The following KHDRBS2 variants were observed in gnomAD, a reference collection of about 807,000 sequenced individuals.
KHDRBS2 encodes the protein KH RNA binding domain containing, signal transduction associated 2.
Under a neutral mutation model 44.3 loss-of-function variants are expected in KHDRBS2, and 26 were observed. That is an observed-to-expected ratio of 0.59 (90% CI 0.43 to 0.81). The LOEUF (loss-of-function observed/expected upper bound fraction) is 0.81. Ranked by LOEUF, KHDRBS2 falls within the 40% of genes least tolerant of loss-of-function variation. KHDRBS2 has a pLI of 0.00. For missense variants in KHDRBS2, 476 were observed against 433.1 expected (o/e 1.10, Z -0.88); for synonymous variants, 194 against 151.1 (o/e 1.28, Z -2.08).
At chr6:61,717,546 A>G (rs539961282) in intron 7 of KHDRBS2, among the ~76,000 whole-genome samples, 23 of 152,186 alleles carry the variant, frequency 1.5e-4, no homozygotes, top group African/African-American at 5.5e-4. Context: ...CATAGACTAT[A>G]GCATTGAGAC....
chr6:61,770,728 A>T (rs917235395), intron 6 of KHDRBS2, among the ~76,000 whole-genome samples: 1 of 152,244 alleles, frequency 6.6e-6, no homozygotes, highest in Non-Finnish European at 1.5e-5. Flanking sequence ...CCTGAAAGTG[A>T]CAGGGAGAAT....
intron 1 of KHDRBS2, among the ~76,000 whole-genome samples, chr6:62,193,435 C>T (rs1023477183): frequency 1.9e-4 from 29 of 151,996 alleles, no homozygotes; most frequent in Admixed American, 7.9e-4. Flanking sequence ...TCATATAAAA[C>T]GATGAAACCA....
At chr6:61,556,872 ATTTTTTTTTTTTTTT>A in the KHDRBS2 span, among the ~76,000 whole-genome samples, 3 of 87,454 alleles carry the variant, frequency 3.4e-5, no homozygotes, top group Non-Finnish European at 2.2e-5. Flanking sequence ...TGAAATTGAG[ATTTTTTTTTTTTTTT>A]TTTTTTTTTT....
intron 1 of KHDRBS2, among the ~76,000 whole-genome samples, chr6:62,260,726 AAG>A (rs1838203222): frequency 6.6e-6 from 1 of 151,956 alleles, no homozygotes; most frequent in Admixed American, 6.6e-5. Flanking sequence ...TCACTTTAGG[AAG>A]AGTCTCAATC....
At chr6:61,812,433 G>A (rs1168857199) in intron 6 of KHDRBS2, among the ~76,000 whole-genome samples, 1 of 152,106 alleles carries the variant, frequency 6.6e-6, no homozygotes, top group African/African-American at 2.4e-5. Context: ...GGAGCTTTAA[G>A]TGAATCATCT....
At chr6:61,682,507 C>A (rs1270042950) in intron 8 of KHDRBS2, among the ~76,000 whole-genome samples, 2 of 151,778 alleles carry the variant, frequency 1.3e-5, no homozygotes, top group Non-Finnish European at 2.9e-5. Context: ...CCAAATTTGG[C>A]CAGCTGATTG....
At chr6:61,984,216 G>C (rs1774567642) in intron 3 of KHDRBS2, among the ~76,000 whole-genome samples, 1 of 152,112 alleles carries the variant, frequency 6.6e-6, no homozygotes, top group Non-Finnish European at 1.5e-5. Flanking sequence ...ACTCTTCTCA[G>C]TGGGCTATAC....
chr6:62,176,911 A>C (rs1165826252), intron 2 of KHDRBS2, among the ~76,000 whole-genome samples: 1 of 151,310 alleles, frequency 6.6e-6, no homozygotes, highest in Non-Finnish European at 1.5e-5. Flanking sequence ...ATTTGGAAAA[A>C]TTGATATATC....
chr6:61,893,385 C>A (rs1802341845), intron 6 of KHDRBS2, among the ~76,000 whole-genome samples: 1 of 152,168 alleles, frequency 6.6e-6, no homozygotes, highest in East Asian at 1.9e-4. Context: ...TTGACCCAGC[C>A]ATCCCATTAC....
At chr6:62,145,177 A>G (rs1813662228) in intron 2 of KHDRBS2, among the ~76,000 whole-genome samples, 1 of 151,802 alleles carries the variant, frequency 6.6e-6, no homozygotes, top group South Asian at 2.1e-4. Flanking sequence ...ACAGTTGTAT[A>G]TATTTCTTTA....
chr6:61,588,822 G>A, the KHDRBS2 span, among the ~76,000 whole-genome samples: 1 of 151,894 alleles, frequency 6.6e-6, no homozygotes, highest in Non-Finnish European at 1.5e-5. Context: ...AACCCAAATG[G>A]CCATCAATAA....
the KHDRBS2 span, among the ~76,000 whole-genome samples, chr6:61,559,529 C>T: frequency 6.6e-6 from 1 of 152,062 alleles, no homozygotes; most frequent in East Asian, 1.9e-4. Context: ...GTAATTTTCT[C>T]TGATGGTATG....
intron 6 of KHDRBS2, among the ~76,000 whole-genome samples, chr6:61,799,704 A>C (rs1221332942): frequency 6.6e-6 from 1 of 152,042 alleles, no homozygotes; most frequent in African/African-American, 2.4e-5. Flanking sequence ...CAGGGTTAGA[A>C]TGTATTGAGA....
intron 3 of KHDRBS2, among the ~76,000 whole-genome samples, chr6:62,013,282 A>G (rs571745468): frequency 8.9e-4 from 136 of 152,308 alleles, no homozygotes; most frequent in Middle Eastern, 3.4e-3. Flanking sequence ...ACCTAGTTAT[A>G]AACATGAATA....
At chr6:62,020,442 T>C (rs1299039469) in intron 3 of KHDRBS2, among the ~76,000 whole-genome samples, 1 of 152,026 alleles carries the variant, frequency 6.6e-6, no homozygotes, top group African/African-American at 2.4e-5. Context: ...TGGGGTATTG[T>C]CTATAAATGT....
intron 2 of KHDRBS2, among the ~76,000 whole-genome samples, chr6:62,081,279 G>A (rs1430578132): frequency 1.3e-5 from 2 of 152,020 alleles, no homozygotes; most frequent in Non-Finnish European, 2.9e-5. Flanking sequence ...AAGTTTCTTG[G>A]GGTTAAATGA....
intron 6 of KHDRBS2, among the ~76,000 whole-genome samples, chr6:61,876,952 A>G (rs1210853289): frequency 6.6e-6 from 1 of 152,080 alleles, no homozygotes; most frequent in Non-Finnish European, 1.5e-5. Flanking sequence ...TAGGTGGTAT[A>G]CATTAGACTG....
intron 4 of KHDRBS2, among the ~76,000 whole-genome samples, chr6:61,961,934 T>C (rs1040566202): frequency 1.3e-5 from 2 of 151,900 alleles, no homozygotes; most frequent in African/African-American, 2.4e-5. Context: ...AAATAGACTA[T>C]GTAGGTACCA....
intron 6 of KHDRBS2, among the ~76,000 whole-genome samples, chr6:61,833,079 A>G (rs1463161641): frequency 1.3e-5 from 2 of 152,174 alleles, no homozygotes; most frequent in African/African-American, 4.8e-5. Flanking sequence ...TTTTGTTACA[A>G]CTTTTCTATA....
Sources: allele counts gnomAD v4.1 joint callset (sites outside exome capture counted in the v4.1 genomes callset), GRCh38; gene constraint gnomAD v4.1.1; transcripts MANE v1.5; gene names NCBI Gene and HGNC (gene_info 2026-07-23, HGNC 2026-07-21).